Variants in CMTR1 observed in about 807,000 individuals in gnomAD.
CMTR1 encodes the protein cap-specific mRNA (nucleoside-2'-O-)-methyltransferase 1.
CMTR1 carries 39 observed loss-of-function variants against 107.0 expected under a neutral mutation model. The observed-to-expected ratio is 0.36, with a 90% CI of 0.28 to 0.48. The LOEUF is 0.48. Among genes scored for constraint, CMTR1 ranks in the 20% least tolerant of loss-of-function variants. The probability of loss-of-function intolerance (pLI) is 0.99; values close to 1 mark genes in which losing one functional copy is unlikely to be tolerated. For missense variants in CMTR1, 672 were observed against 1,064.9 expected, an observed-to-expected ratio of 0.63 and a Z score of 5.14; for synonymous variants, 366 against 379.5, an observed-to-expected ratio of 0.96 and a Z score of 0.41.
At position 37,462,887 on chromosome 6, in the gene CMTR1, G is replaced by A. The variant is rs755231746; in HGVS notation, c.1384G>A (p.Ala462Thr). Residue 462 changes from alanine (A) to threonine (T), a missense_variant, in exon 13 of 24, where the codon GCA (alanine) becomes ACA (threonine). By Grantham distance (58) the Ala-to-Thr change is moderately conservative. Transcript: ENST00000373451. ...GIDDVRDYLF[A>T]VNIKLNQLRN... is the part of the protein sequence containing the mutation. ...AGATGATGTTCGGGATTACCTCTTC[G>A]CAGTGAATATTAAACTCAATCAGCT... 1.9e-5 allele frequency: 31 copies of A among 1,613,932 alleles called. No individual in the cohort carries two copies. The highest frequency in any genetic ancestry group is 2.4e-5 in the Non-Finnish European group (28 of 1,180,028).
chr6:37,477,135 C>T (rs1341428156), intron 20 of CMTR1, among the ~76,000 whole-genome samples: 2 of 152,192 alleles, frequency 1.3e-5, no homozygotes, highest in Non-Finnish European at 2.9e-5. Context: ...TTTCCCCACC[C>T]GCTGTGGGTA....
chr6:37,462,824 GC>G lies in CMTR1; in HGVS notation c.1326-3del. 1 of 1,611,826 alleles carries G rather than the reference GC, an allele frequency of 6.2e-7. No homozygotes were observed. Among genetic ancestry groups the G allele is most frequent in the East Asian group, 2.2e-5 (1 of 44,874 alleles). On this transcript the variant is annotated splice_polypyrimidine_tract_variant and splice_region_variant and intron_variant, in intron 12 of 23. Coordinates refer to ENST00000373451, the MANE Select transcript of CMTR1 (RefSeq NM_015050.3). ...TCGGTGGAGTGACAGAGTATCTTCT[GC>G]CAGGTATGTGGTGTGCAAGGGCCTG... is the stretch of plus-strand genomic sequence containing the variant.
chr6:37,442,653 A>T (rs79131557), intron 2 of CMTR1, among the ~76,000 whole-genome samples: 1 of 152,192 alleles, frequency 6.6e-6, no homozygotes, highest in Non-Finnish European at 1.5e-5. Context: ...AGTGGAAGGG[A>T]TAATCAGTTA....
rs1761670449 is a variant in CMTR1 at position 37,473,539 on chromosome 6, C to G, written c.1759C>G (p.Pro587Ala). The G allele has an allele frequency of 1.2e-6, 2 of 1,614,038 alleles. No homozygotes were observed. Among genetic ancestry groups the G allele is most frequent in the Admixed American group, 1.7e-5 (1 of 59,998 alleles). ...CTCTAAAACCCTGGAGAAGATCCGCCCTGTGTTTGACTACCGCTGCATGGT... is the reference window on the plus strand; with the variant it reads ...CTCTAAAACCCTGGAGAAGATCCGCGCTGTGTTTGACTACCGCTGCATGGT... ...LTSKTLEKIR[P>A]VFDYRCMVSG... Residue 587 changes from proline to alanine, a missense_variant, in exon 17 of 24, where the codon CCT becomes GCT. By Grantham distance (27) the Pro-to-Ala change is conservative. Around this residue, in one of 2 missense-constraint regions of CMTR1, gnomAD observed 583 missense variants for 968.4 expected, o/e 0.60. Coordinates refer to ENST00000373451, the MANE Select transcript of CMTR1 (RefSeq NM_015050.3).
At chr6:37,457,131 G>A (rs1010221926) in intron 8 of CMTR1, among the ~76,000 whole-genome samples, 2 of 151,080 alleles carry the variant, frequency 1.3e-5, no homozygotes, top group African/African-American at 4.9e-5. Context: ...GAAGAAAGAG[G>A]ATTGCCTGAG....
At chr6:37,462,344 C>T (rs777018748) in intron 12 of CMTR1, among the ~76,000 whole-genome samples, 1 of 152,080 alleles carries the variant, frequency 6.6e-6, no homozygotes, top group Non-Finnish European at 1.5e-5. Flanking sequence ...CTCAGCTTGG[C>T]CAAGGAGAAA....
intron 21 of CMTR1, 33 bp from the exon 22 acceptor site, chr6:37,478,376 T>C: frequency 2.0e-6 from 3 of 1,537,192 alleles, no homozygotes; most frequent in Non-Finnish European, 2.7e-6. Context: ...GGGCCTTTTC[T>C]CTCTCATGCA....
intron 1 of CMTR1, among the ~76,000 whole-genome samples, chr6:37,433,697 A>G (rs1233365749): frequency 1.3e-5 from 2 of 152,236 alleles, no homozygotes; most frequent in Admixed American, 6.5e-5. Context: ...GGGAGAGAAG[A>G]CTGCAGAGGG....
At position 37,474,542 on chromosome 6, in the gene CMTR1, T is replaced by C. The variant is rs1581753447; in HGVS notation, c.1840T>C (p.Trp614Arg). The C allele has an allele frequency of 6.2e-7, 1 of 1,613,824 alleles. No homozygotes were observed. Among genetic ancestry groups the C allele is most frequent in the Non-Finnish European group, 8.5e-7 (1 of 1,179,920 alleles). The change falls in exon 18 of 24, where the codon TGG becomes CGG. Residue 614 changes from tryptophan (W) to arginine (R), a missense_variant. Physicochemically the swap from Trp to Arg is moderately radical, Grantham distance 101. This residue lies in a region of CMTR1 where 583 missense variants were observed against 968.4 expected (regional missense o/e 0.60). Transcript: ENST00000373451. ...CCTGTAGAAATCCCAGATCTACACA[T>C]GGGATGGCCGCCAGTCAGACCGCTG... is the stretch of plus-strand genomic sequence containing the variant. ...IGLGKSQIYT[W>R]DGRQSDRWIK...
At chr6:37,462,752 C>A in intron 12 of CMTR1, 77 bp from the exon 13 acceptor site, 1 of 1,410,078 alleles carries the variant, frequency 7.1e-7, no homozygotes. Flanking sequence ...CTTTGTGATT[C>A]CACAAGGGGT....
In CMTR1 at chr6:37,459,572, G is replaced by C; in HGVS notation, c.983G>C (p.Gly328Ala). Residue 328 changes from glycine (G) to alanine (A), a missense_variant, in exon 10 of 24, where the codon GGT becomes GCT. Gly to Ala is a moderately conservative substitution (Grantham distance 60, BLOSUM62 0). Around this residue, in one of 2 missense-constraint regions of CMTR1, gnomAD observed 583 missense variants for 968.4 expected, o/e 0.60. Coordinates refer to ENST00000373451, the MANE Select transcript of CMTR1 (RefSeq NM_015050.3). ...SELFEPYYGE[G>A]GIDGDGDITR... is the part of the protein sequence containing the mutation. ...GACTCTTGTATTCTGACAGGTGAGG[G>C]TGGGATTGATGGAGATGGAGATATC... 1 of 1,613,968 alleles carries C rather than the reference G, an allele frequency of 6.2e-7. No homozygotes were observed. Among genetic ancestry groups the C allele is most frequent in the Middle Eastern group, 1.7e-4 (1 of 6,060 alleles).
intron 20 of CMTR1, among the ~76,000 whole-genome samples, chr6:37,476,486 T>A (rs1428690527): frequency 6.6e-6 from 1 of 152,188 alleles, no homozygotes; most frequent in Non-Finnish European, 1.5e-5. Flanking sequence ...CGTTCCCACT[T>A]GAGCATTGTT....
chr6:37,476,302 T>C (rs376227127), intron 20 of CMTR1, 108 bp downstream of exon 20: 14 of 1,139,698 alleles, frequency 1.2e-5, no homozygotes, highest in African/African-American at 9.2e-5. Context: ...AAGTGGGTGT[T>C]AGAGACAAGA....
intron 13 of CMTR1, among the ~76,000 whole-genome samples, chr6:37,464,392 A>G (rs1488069774): frequency 6.6e-6 from 1 of 151,426 alleles, no homozygotes; most frequent in Non-Finnish European, 1.5e-5. Context: ...GCGTGAACCC[A>G]GGAGGCAGAG....
chr6:37,463,737 A>G (rs1376800441), intron 13 of CMTR1, among the ~76,000 whole-genome samples: 2 of 152,160 alleles, frequency 1.3e-5, no homozygotes, highest in Non-Finnish European at 2.9e-5. Flanking sequence ...CTGGAGAATC[A>G]TAGAAGGGGA....
chr6:37,476,279 G>C, intron 20 of CMTR1, 85 bp downstream of exon 20: 1 of 1,395,560 alleles, frequency 7.2e-7, no homozygotes, highest in South Asian at 1.2e-5. Flanking sequence ...GGGCTCAGTG[G>C]AGGGCACTAG....
chr6:37,448,400 TTA>T (rs900704319), intron 4 of CMTR1, among the ~76,000 whole-genome samples: 5 of 152,116 alleles, frequency 3.3e-5, no homozygotes, highest in African/African-American at 1.2e-4. Flanking sequence ...CTGTAGGTAG[TTA>T]TAATAATCAG....
Position 37,481,353 on chromosome 6 carries a change from G to A in CMTR1, c.*1208G>A. ...AGGGCACTGAGGCTCCCGTGAGGTT[G>A]GAATCGACTTCACCATGGGGGTCCT... On this transcript the variant is annotated 3_prime_UTR_variant, in exon 24 of 24. Transcript: ENST00000373451. 3 of 1,191,706 alleles carry A rather than the reference G, an allele frequency of 2.5e-6. No individual in the cohort carries two copies. Among genetic ancestry groups the A allele is most frequent in the Non-Finnish European group, 3.2e-6 (3 of 944,324 alleles). The allele number at this position is 1,191,706 out of a possible 1,614,324, so 73.8% of individuals were successfully genotyped here.
intron 23 of CMTR1, among the ~76,000 whole-genome samples, 153 bp from the exon 24 acceptor site, chr6:37,479,860 G>GT (rs1297664298): frequency 6.6e-6 from 1 of 152,178 alleles, no homozygotes; most frequent in Non-Finnish European, 1.5e-5. Context: ...GGGAGGCAGG[G>GT]GAGTTAGGGC....
Sources: allele counts gnomAD v4.1 joint callset (sites outside exome capture counted in the v4.1 genomes callset), GRCh38; gene constraint gnomAD v4.1.1; regional missense constraint gnomAD v4.1.1; transcripts MANE v1.5; gene names NCBI Gene and HGNC (gene_info 2026-07-23, HGNC 2026-07-21).